MTOR: variants seen among roughly 807,000 people sequenced by gnomAD.
The protein encoded by MTOR is serine/threonine-protein kinase mTOR.
A neutral mutation model predicts 319.8 loss-of-function variants in MTOR; 70 were observed. The observed-to-expected ratio is 0.22, with a 90% CI of 0.18 to 0.27. The LOEUF (loss-of-function observed/expected upper bound fraction) is 0.27, where lower values mean the gene tolerates loss of function less well. Ranked by LOEUF, MTOR falls within the 10% of genes least tolerant of loss-of-function variation. The pLI, the probability that MTOR is intolerant of heterozygous loss-of-function variation, is 1.00. For synonymous variants in MTOR, 1,183 were observed against 1,211.4 expected, an observed-to-expected ratio of 0.98 and a Z score of 0.49; for missense variants, 1,890 against 3,274.4, an observed-to-expected ratio of 0.58 and a Z score of 10.32.
chr1:11,177,852 GA>G (rs1432402203), intron 28 of MTOR, among the ~76,000 whole-genome samples: 1 of 151,830 alleles, frequency 6.6e-6, no homozygotes, highest in Admixed American at 6.6e-5. Context: ...TTTTTAAAAA[GA>G]AAAAAATGGA....
rs747618450 is a variant in MTOR, at chr1:11,210,910, A to T, written c.3562-4T>A. 6.3e-7 allele frequency: 1 copy of T among 1,593,438 alleles called. No individual in the cohort carries two copies. The highest frequency in any genetic ancestry group is 2.2e-5 in the East Asian group (1 of 44,758). On this transcript the variant is annotated splice_polypyrimidine_tract_variant and splice_region_variant and intron_variant, in intron 23 of 57. Coordinates refer to ENST00000361445, the MANE Select transcript of MTOR (RefSeq NM_004958.4). ...CCATTGGAATGAAAATTTGGTACTA[A>T]AACAGGAGGGGGAAGAGATGAGAAA...
In MTOR at chr1:11,199,948, C is replaced by T. The variant is rs1645905232; in HGVS notation, c.3945-245G>A. 2.0e-5 allele frequency among the ~76,000 whole-genome samples: 3 copies of T among 152,088 alleles called. No individual in the cohort carries two copies. In the South Asian group the frequency reaches 6.2e-4, roughly 32 times the overall value. On this transcript the variant is annotated intron_variant, in intron 26 of 57. Coordinates refer to ENST00000361445, the MANE Select transcript of MTOR (RefSeq NM_004958.4). The surrounding 1 kb of genome is among the most constrained non-coding windows in gnomAD (Gnocchi z 4.5). The stretch of plus-strand genomic sequence containing the variant: ...TACATTTTATTTATTTTTAATTAAC[C>T]ACATATGGCTAGTGTCTACTGAATT...
chr1:11,200,735 G>A (rs1249150353), intron 26 of MTOR, among the ~76,000 whole-genome samples: 1 of 152,108 alleles, frequency 6.6e-6, no homozygotes, highest in Non-Finnish European at 1.5e-5. Context: ...TAAAAATAAG[G>A]CCAGGCGTGG....
chr1:11,243,799 T>C (rs1375484414), intron 8 of MTOR, among the ~76,000 whole-genome samples: 3 of 151,906 alleles, frequency 2.0e-5, no homozygotes, highest in Non-Finnish European at 4.4e-5. Context: ...GCTGAAGAAA[T>C]ATATGTCAAA....
chr1:11,232,675 G>A (rs1482101694), intron 15 of MTOR, 147 bp from the exon 16 acceptor site: 1 of 605,724 alleles, frequency 1.7e-6, no homozygotes, highest in African/African-American at 1.9e-5. Context: ...AGGAGCTCCA[G>A]ACCAGCCTAG....
rs574348999 is a variant in MTOR at position 11,232,894 on chromosome 1, A to T, written c.2422-366T>A. On this transcript the variant is annotated intron_variant, in intron 15 of 57. Transcript: ENST00000361445. ...CAAAAACAAATAAATAAAATAAAAAATTTTTTTTAAAAAAGCCCTCTCTTC... is the reference window on the plus strand; with the variant it reads ...CAAAAACAAATAAATAAAATAAAAATTTTTTTTTAAAAAAGCCCTCTCTTC... 151 of 573,308 alleles carry T rather than the reference A, an allele frequency of 2.6e-4. 1 individual carries two copies. Among genetic ancestry groups the T allele is most frequent in the African/African-American group, 2.4e-3 (125 of 52,086 alleles). The allele number at this position is 573,308 out of a possible 1,614,324, so 35.5% of individuals were successfully genotyped here.
At chr1:11,208,981 A>G (rs1646225387) in intron 25 of MTOR, among the ~76,000 whole-genome samples, 1 of 152,192 alleles carries the variant, frequency 6.6e-6, no homozygotes, top group Admixed American at 6.5e-5. Flanking sequence ...TGTTTGAAAG[A>G]GCCTTCATCA....
At chr1:11,217,383 A>AC (rs1646504535) in intron 19 of MTOR, among the ~76,000 whole-genome samples, 1 of 150,534 alleles carries the variant, frequency 6.6e-6, no homozygotes, top group Admixed American at 6.6e-5. Context: ...AATATTTGAC[A>AC]CCCCTTCCCC....
At position 11,130,760 on chromosome 1, in the gene MTOR, T is replaced by G. The variant is rs146308876; in HGVS notation, c.5382A>C (p.Ala1794=). 3.9e-5 allele frequency: 62 copies of G among 1,569,722 alleles called. No homozygotes were observed. The highest frequency in any genetic ancestry group is 5.3e-5 in the Non-Finnish European group (61 of 1,156,584). The change falls in exon 39 of 58, where the codon GCA becomes GCC. Residue 1794 remains alanine, a synonymous_variant. Coordinates refer to ENST00000361445, the MANE Select transcript of MTOR (RefSeq NM_004958.4). ...GTAGCACAGCTTCGAAGTTCATCAC[T>G]GCCCACGCATGCCAGGCCTGGTTGG... ...RSWYKAWHAW[A]VMNFEAVLHY...
chr1:11,203,533 G>T (rs1001171203), intron 26 of MTOR, among the ~76,000 whole-genome samples: 1 of 152,044 alleles, frequency 6.6e-6, no homozygotes, highest in African/African-American at 2.4e-5. Context: ...AATTAGCTGG[G>T]TGTGGTGGTA....
intron 30 of MTOR, chr1:11,152,461 A>G (rs1644180276): frequency 6.6e-6 from 1 of 150,766 alleles, no homozygotes; most frequent in Non-Finnish European, 1.5e-5. Flanking sequence ...TTCATTTGGA[A>G]TGGCTCCATG....
chr1:11,153,755 T>C (rs1320450851), intron 30 of MTOR, among the ~76,000 whole-genome samples: 1 of 152,100 alleles, frequency 6.6e-6, no homozygotes, highest in Non-Finnish European at 1.5e-5. Context: ...GAACTGAATT[T>C]CACATTTTAT....
At chr1:11,161,937 C>T (rs1644490332) in intron 29 of MTOR, among the ~76,000 whole-genome samples, 1 of 152,174 alleles carries the variant, frequency 6.6e-6, no homozygotes, top group Non-Finnish European at 1.5e-5. Flanking sequence ...GGACGGAGAA[C>T]AACTTTGATG....
intron 26 of MTOR, 135 bp downstream of exon 26, chr1:11,204,422 GTCTT>G (rs1201431113): frequency 2.5e-6 from 3 of 1,198,402 alleles, no homozygotes; most frequent in East Asian, 2.5e-5. Context: ...TGTTGAATTT[GTCTT>G]TCTCTTTCTT....
chr1:11,161,556 C>T (rs1644478647), intron 29 of MTOR, among the ~76,000 whole-genome samples: 1 of 152,186 alleles, frequency 6.6e-6, no homozygotes, highest in Non-Finnish European at 1.5e-5. Context: ...ACTGACACCT[C>T]ACACGGCTGG....
At chr1:11,194,024 A>G (rs1247686248) in intron 28 of MTOR, among the ~76,000 whole-genome samples, 1 of 152,200 alleles carries the variant, frequency 6.6e-6, no homozygotes, top group East Asian at 1.9e-4. Context: ...GAGTAGAGCA[A>G]ATTCAACAGT....
intron 28 of MTOR, among the ~76,000 whole-genome samples, chr1:11,196,169 A>G (rs1351370163): frequency 6.6e-6 from 1 of 152,184 alleles, no homozygotes; most frequent in Non-Finnish European, 1.5e-5. Flanking sequence ...TTCTTCATAA[A>G]GGGGATTACA....
chr1:11,109,701 C>T lies in MTOR; in HGVS notation c.7395G>A (p.Glu2465=), dbSNP rs752933118. 1 of 1,614,092 alleles carries T rather than the reference C, an allele frequency of 6.2e-7. No individual in the cohort carries two copies. The highest frequency in any genetic ancestry group is 1.6e-4 in the Middle Eastern group (1 of 6,062). Residue 2465 remains glutamate, a synonymous_variant, in exon 55 of 58, where the codon GAG becomes GAA. Transcript: ENST00000361445. The surrounding 1 kb of genome is among the most constrained non-coding windows in gnomAD (Gnocchi z 4.0). ...TGGTCCCCGTTTTCTTATGGGCTGG[C>T]TCTCCAAGTTCCACACCGTCCAAAA... ...VEILDGVELG[E]PAHKKTGTTV... is the part of the protein sequence containing the mutation.
intron 20 of MTOR, 121 bp downstream of exon 20, chr1:11,216,027 T>C (rs1017330109): frequency 3.1e-5 from 18 of 582,570 alleles, no homozygotes; most frequent in Non-Finnish European, 4.7e-5. Flanking sequence ...TTCCACTTCC[T>C]GTACTAAGAC....
Sources: gnomAD v4.1 joint callset for allele counts (sites outside exome capture counted in the v4.1 genomes callset) on GRCh38, gnomAD v4.1.1 for gene constraint, Gnocchi (gnomAD v3.1) non-coding constraint, MANE v1.5 for transcripts, NCBI Gene and HGNC (gene_info 2026-07-23, HGNC 2026-07-21) for gene names.